Variants in CASP4 observed in about 807,000 individuals in gnomAD.
CASP4 encodes the protein caspase 4.
CASP4 carries 29 observed loss-of-function variants against 41.3 expected under a neutral mutation model. The observed-to-expected ratio is 0.70, with a 90% CI of 0.52 to 0.96. The LOEUF is 0.96. CASP4 is among the 40% of genes least tolerant of loss of function. CASP4 has a pLI of 0.00. For synonymous variants in CASP4, 185 were observed against 158.4 expected (o/e 1.17, Z -1.26); for missense variants, 447 against 460.6 (o/e 0.97, Z 0.27).
intron 1 of CASP4, among the ~76,000 whole-genome samples, chr11:104,961,089 G>C (rs144443505): frequency 5.3e-5 from 8 of 152,250 alleles, no homozygotes; most frequent in Non-Finnish European, 1.2e-4. Context: ...CTACCTGCTT[G>C]TGGTTTGGTG....
intron 1 of CASP4, among the ~76,000 whole-genome samples, chr11:104,959,405 C>G (rs1021581025): frequency 2.6e-5 from 4 of 151,976 alleles, no homozygotes; most frequent in African/African-American, 4.8e-5. Flanking sequence ...CTCATAAAAG[C>G]AGAAGGTTGT....
Position 104,954,686 on chromosome 11 carries a change from C to G in CASP4, c.262+61G>C, listed in dbSNP as rs907327664. 4.6e-5 allele frequency: 67 copies of G among 1,462,132 alleles called. 1 individual carries two copies. In the Admixed American group the frequency reaches 1.2e-3, roughly 25 times the overall value. 90.6% of individuals were successfully genotyped at this position (1,462,132 alleles called of 1,614,324 possible). ...GGAATCACAGAAGACACTGCTTAGG[C>G]CTTGGAGTTAAACAGATTTAGGGAA... On this transcript the variant is annotated intron_variant, in intron 2 of 8. Transcript: ENST00000444739.
At chr11:104,963,098 A>AT in intron 1 of CASP4, among the ~76,000 whole-genome samples, 1 of 152,356 alleles carries the variant, frequency 6.6e-6, no homozygotes, top group Middle Eastern at 3.4e-3. Context: ...ATTTAAAAGG[A>AT]TTTTGTTAAG....
At chr11:104,957,137 G>T (rs1196746576) in intron 1 of CASP4, among the ~76,000 whole-genome samples, 1 of 151,922 alleles carries the variant, frequency 6.6e-6, no homozygotes, top group Non-Finnish European at 1.5e-5. Context: ...AAGATGAAAT[G>T]GTCTTATATA....
At chr11:104,953,652 T>C (rs1028045575) in intron 2 of CASP4, among the ~76,000 whole-genome samples, 9 of 152,188 alleles carry the variant, frequency 5.9e-5, no homozygotes, top group African/African-American at 1.9e-4. Context: ...AAAGCTCATT[T>C]GATATAGTGA....
chr11:104,947,421 G>A (rs867298364), intron 6 of CASP4: 37 of 299,186 alleles, frequency 1.2e-4, no homozygotes, highest in Middle Eastern at 8.9e-4. Flanking sequence ...GCAAGAGATT[G>A]TGTATTGAAG....
intron 2 of CASP4, 80 bp downstream of exon 2, chr11:104,954,667 A>G: frequency 7.8e-7 from 1 of 1,278,024 alleles, no homozygotes; most frequent in South Asian, 1.4e-5. Context: ...TAGGGGAATC[A>G]CAGAAGACAC....
At chr11:104,944,990 C>A (rs748123322) in intron 7 of CASP4, 139 bp from the exon 8 acceptor site, 8 of 647,668 alleles carry the variant, frequency 1.2e-5, no homozygotes, top group Non-Finnish European at 1.9e-5. Context: ...CATTCTAACT[C>A]CTCAACATTG....
At chr11:104,952,162 T>C (rs1050291216) in intron 2 of CASP4, 157 bp from the exon 3 acceptor site, 3 of 569,672 alleles carry the variant, frequency 5.3e-6, no homozygotes, top group Non-Finnish European at 9.5e-6. Context: ...GGAGATGTAT[T>C]GTTACTGGAA....
chr11:104,968,436 C>T, intron 1 of CASP4, 83 bp downstream of exon 1: 1 of 1,284,228 alleles, frequency 7.8e-7, no homozygotes, highest in East Asian at 2.3e-5. Context: ...CGGCTCACTT[C>T]CTTTCTTGTG....
At chr11:104,952,489 T>C (rs557990226) in intron 2 of CASP4, among the ~76,000 whole-genome samples, 15 of 152,108 alleles carry the variant, frequency 9.9e-5, no homozygotes, top group Admixed American at 3.3e-4. Flanking sequence ...TCTAATAACA[T>C]TTATTTAACA....
Position 104,957,472 on chromosome 11 carries a change from T to C in CASP4, c.8-2471A>G, listed in dbSNP as rs537395796. Among the ~76,000 whole-genome samples the C allele has an allele frequency of 4.9e-4, 74 of 152,222 alleles. 1 individual carries two copies. The South Asian group carries it at 0.014, about 29-fold the overall frequency. ...CTATAGTCCTTGCTTCTTGGAAGTC[T>C]GAGGTAGGAGGATTGCTTAAGCCCA... On this transcript the variant is annotated intron_variant, in intron 1 of 8. Transcript: ENST00000444739.
At chr11:104,950,862 G>T (rs988629662) in intron 4 of CASP4, 63 bp downstream of exon 4, 8 of 1,481,234 alleles carry the variant, frequency 5.4e-6, no homozygotes, top group Non-Finnish European at 6.5e-6. Context: ...TTTGAAGCTA[G>T]GTAGTTATTA....
intron 4 of CASP4, 103 bp downstream of exon 4, chr11:104,950,822 A>C (rs935426157): frequency 6.5e-5 from 66 of 1,022,882 alleles, no homozygotes; most frequent in South Asian, 1.2e-4. Context: ...ACACACACAC[A>C]CCCAAAGGTT....
intron 1 of CASP4, among the ~76,000 whole-genome samples, chr11:104,967,665 C>A (rs1861005351): frequency 6.6e-6 from 1 of 152,120 alleles, no homozygotes; most frequent in Non-Finnish European, 1.5e-5. Context: ...TAAATGCCTG[C>A]AGGGTATTTA....
intron 7 of CASP4, 86 bp from the exon 8 acceptor site, chr11:104,944,937 G>A: frequency 1.1e-6 from 1 of 893,786 alleles, no homozygotes; most frequent in Non-Finnish European, 1.8e-6. Context: ...ACAACACCTG[G>A]AATGAAGTGA....
chr11:104,955,032 T>A, intron 1 of CASP4, 31 bp from the exon 2 acceptor site: 1 of 1,604,020 alleles, frequency 6.2e-7, no homozygotes, highest in Middle Eastern at 1.7e-4. Flanking sequence ...CCTTTAACTA[T>A]GGGCACAGCT....
intron 5 of CASP4, 85 bp downstream of exon 5, chr11:104,949,458 G>C (rs929398113): frequency 7.2e-7 from 1 of 1,388,962 alleles, no homozygotes; most frequent in Admixed American, 1.7e-5. Flanking sequence ...TGAGGTTTAA[G>C]AATGTTGCCC....
At chr11:104,951,606 C>G (rs1860614521) in intron 3 of CASP4, 1 of 444,416 alleles carries the variant, frequency 2.3e-6, no homozygotes, top group Admixed American at 3.4e-5. Flanking sequence ...TATGTTTATT[C>G]CATGGCTAAT....
Sources: gnomAD v4.1 joint callset for allele counts (sites outside exome capture counted in the v4.1 genomes callset) on GRCh38, gnomAD v4.1.1 for gene constraint, MANE v1.5 for transcripts, NCBI Gene and HGNC (gene_info 2026-07-23, HGNC 2026-07-21) for gene names.